The following ABCA3 variants were observed in gnomAD, a reference collection of about 807,000 sequenced individuals.
ABCA3 encodes phospholipid-transporting ATPase ABCA3.
ABCA3 carries 88 observed loss-of-function variants against 172.8 expected under a neutral mutation model. The ratio of observed to expected loss-of-function variants is 0.51; its 90% CI spans 0.43 to 0.61. The LOEUF (loss-of-function observed/expected upper bound fraction) is 0.61. Ranked by LOEUF, ABCA3 falls within the 20% of genes least tolerant of loss-of-function variation. The pLI is 0.00. For synonymous variants in ABCA3, 1,066 were observed against 983.8 expected, an observed-to-expected ratio of 1.08 and a Z score of -1.56; for missense variants, 2,164 against 2,301.0, an observed-to-expected ratio of 0.94 and a Z score of 1.22.
chr16:2,277,571 C>CA lies in ABCA3; in HGVS notation c.4983+25dup. 1 of 1,612,114 alleles carries CA rather than the reference C, an allele frequency of 6.2e-7. No homozygotes were observed. Among genetic ancestry groups the CA allele is most frequent in the Non-Finnish European group, 8.5e-7 (1 of 1,179,554 alleles). On this transcript the variant is annotated intron_variant, in intron 32 of 32. Transcript: ENST00000301732. This position sits in a 1 kb window ranked among gnomAD's most constrained non-coding sequence, Gnocchi z 5.3. ...GACCTCCCCCTGCCCCATGAGTGCC[C>CA]AGTGGGGCCCCAGGGACTGCCTCAC...
At position 2,288,228 on chromosome 16, in the gene ABCA3, C is replaced by A; in HGVS notation, c.2802G>T (p.Leu934=). ...CCAGGAGGGCCAGGGTGACGCAGGTCAGAGGCACCAGGACCTGTGCCGCCA... is the reference window on the plus strand; with the variant it reads ...CCAGGAGGGCCAGGGTGACGCAGGTAAGAGGCACCAGGACCTGTGCCGCCA... ...KMVAAQVLVP[L]TCVTLALLAI... Residue 934 remains leucine (L), a synonymous_variant, in exon 21 of 33, where the codon CTG becomes CTT. Coordinates refer to ENST00000301732, the MANE Select transcript of ABCA3 (RefSeq NM_001089.3). 1 of 1,595,864 alleles carries A rather than the reference C, an allele frequency of 6.3e-7. No homozygotes were observed. Among genetic ancestry groups the A allele is most frequent in the Non-Finnish European group, 8.5e-7 (1 of 1,171,278 alleles).
chr16:2,285,024 T>C lies in ABCA3; in HGVS notation c.3484-26A>G. On this transcript the variant is annotated intron_variant, in intron 23 of 32. Transcript: ENST00000301732. The surrounding 1 kb of genome is among the most constrained non-coding windows in gnomAD (Gnocchi z 4.7). ...CTGCGGCGGCACAGGGAGGCGCTGC[T>C]GTGCATGCCAAGCTGAGAGGAGCTC... 6.2e-7 allele frequency: 1 copy of C among 1,606,842 alleles called. No individual in the cohort carries two copies. Among genetic ancestry groups the C allele is most frequent in the Admixed American group, 1.7e-5 (1 of 59,212 alleles).
chr16:2,284,368 C>A lies in ABCA3; in HGVS notation c.3773G>T (p.Gly1258Val), dbSNP rs1273791706. The A allele has an allele frequency of 6.2e-7, 1 of 1,613,990 alleles. No individual in the cohort carries two copies. The highest frequency in any genetic ancestry group is 1.7e-5 in the Admixed American group (1 of 60,024). ...CTCGTAGAAACTGCTGACTGCCATC[C>A]CCAGACAGTGGTTGGGCAGCACCAG... ...VFLVLPNHCL[G>V]MAVSSFYENY... Residue 1258 changes from glycine to valine, a missense_variant, in exon 25 of 33, where the codon GGG (glycine) becomes GTG (valine). Gly to Val is a moderately radical substitution (Grantham distance 109). This residue lies in a region of ABCA3 where 795 missense variants were observed against 881.9 expected (regional missense o/e 0.90). Coordinates refer to ENST00000301732, the MANE Select transcript of ABCA3 (RefSeq NM_001089.3). This position sits in a 1 kb window ranked among gnomAD's most constrained non-coding sequence, Gnocchi z 5.9.
In ABCA3 at chr16:2,317,632, C is replaced by A. The variant is rs2141730299; in HGVS notation, c.990+16G>T. ...TCTCCCCGTCCTCACCAGAGCCCCA[C>A]CGACGCCATGCTCACCTTGACACAG... On this transcript the variant is annotated intron_variant, in intron 9 of 32. Coordinates refer to ENST00000301732, the MANE Select transcript of ABCA3 (RefSeq NM_001089.3). 1.2e-6 allele frequency: 2 copies of A among 1,613,874 alleles called. No individual in the cohort carries two copies. Among genetic ancestry groups the A allele is most frequent in the South Asian group, 1.1e-5 (1 of 91,060 alleles).
intron 6 of ABCA3, 52 bp downstream of exon 6, chr16:2,324,352 G>A: frequency 6.5e-7 from 1 of 1,545,918 alleles, no homozygotes; most frequent in Middle Eastern, 2.1e-4. Flanking sequence ...GCGGGAGGAA[G>A]CGGAGGCCTT....
chr16:2,287,213 T>G lies in ABCA3; in HGVS notation c.3005-246A>C, dbSNP rs151005014. 2.6e-5 allele frequency among the ~76,000 whole-genome samples: 4 copies of G among 152,194 alleles called. No homozygotes were observed. The East Asian group carries it at 5.8e-4, about 22-fold the overall frequency. ...GCTGCAAAATAAGAAAACCTTCCAG[T>G]AGGTTCCATTAACCAGAGCACGGTC... On this transcript the variant is annotated intron_variant, in intron 21 of 32. Coordinates refer to ENST00000301732, the MANE Select transcript of ABCA3 (RefSeq NM_001089.3). The surrounding 1 kb of genome is among the most constrained non-coding windows in gnomAD (Gnocchi z 4.1).
chr16:2,322,025 C>T (rs538446166), intron 7 of ABCA3, among the ~76,000 whole-genome samples: 20 of 151,906 alleles, frequency 1.3e-4, no homozygotes, highest in Non-Finnish European at 2.6e-4. Context: ...TGGTGAAACC[C>T]CGTCTCTACT....
Position 2,284,304 on chromosome 16 carries a change from G to T in ABCA3, c.3837C>A (p.Val1279=), listed in dbSNP as rs377568144. ...TATATTTCTTGCAGTAGTGGGCGGC[G>T]ACCTCGGAGGAGGTGCAGTACCTCC... ...ETRRYCTSSE[V]AAHYCKKYNI... is the part of the protein sequence containing the mutation. Residue 1279 remains valine, a synonymous_variant, in exon 25 of 33, where the codon GTC becomes GTA. Transcript: ENST00000301732. This position sits in a 1 kb window ranked among gnomAD's most constrained non-coding sequence, Gnocchi z 5.9. The T allele has an allele frequency of 6.2e-7, 1 of 1,613,670 alleles. No individual in the cohort carries two copies. Among genetic ancestry groups the T allele is most frequent in the Non-Finnish European group, 8.5e-7 (1 of 1,179,920 alleles).
intron 10 of ABCA3, among the ~76,000 whole-genome samples, chr16:2,314,045 G>A (rs2093710914): frequency 6.6e-6 from 1 of 152,186 alleles, no homozygotes; most frequent in Admixed American, 6.5e-5. Context: ...TGGTGGGAAT[G>A]CGCACCGGTG....
chr16:2,286,712 G>A lies in ABCA3; in HGVS notation c.3260C>T (p.Ala1087Val). ...FPQPRSALQA[A>V]KDQFNEGRKG... Reference sequence around the variant, plus strand: ...CACATACTCGTTAAACTGGTCCTTGGCAGCCTGCAGGGCGCTCCGGGGCTG... The same window carrying A: ...CACATACTCGTTAAACTGGTCCTTGACAGCCTGCAGGGCGCTCCGGGGCTG... Residue 1087 changes from alanine to valine, a missense_variant, in exon 22 of 33, where the codon GCC becomes GTC. Ala to Val is a moderately conservative substitution (Grantham distance 64, BLOSUM62 0). Transcript: ENST00000301732. The surrounding 1 kb of genome is among the most constrained non-coding windows in gnomAD (Gnocchi z 5.2). 6.2e-7 allele frequency: 1 copy of A among 1,613,568 alleles called. No individual in the cohort carries two copies. Among genetic ancestry groups the A allele is most frequent in the Non-Finnish European group, 8.5e-7 (1 of 1,179,884 alleles).
At chr16:2,301,100 G>C (rs1170463591) in intron 12 of ABCA3, among the ~76,000 whole-genome samples, 1 of 151,276 alleles carries the variant, frequency 6.6e-6, no homozygotes, top group South Asian at 2.1e-4. Context: ...GCGTGGTGGT[G>C]GGCGCCTATA....
chr16:2,279,277 T>C lies in ABCA3; in HGVS notation c.4360-147A>G, dbSNP rs1182848876. ...TGTGTACACGGGGGCGCTGGAGCTA[T>C]GCACAGGCCGTGGTGGCTGCCCACA... On this transcript the variant is annotated intron_variant, in intron 28 of 32. Coordinates refer to ENST00000301732, the MANE Select transcript of ABCA3 (RefSeq NM_001089.3). This position sits in a 1 kb window ranked among gnomAD's most constrained non-coding sequence, Gnocchi z 4.4. 4 of 939,854 alleles carry C rather than the reference T, an allele frequency of 4.3e-6. No individual in the cohort carries two copies. Among genetic ancestry groups the C allele is most frequent in the South Asian group, 3.1e-5 (2 of 64,608 alleles). 58.2% of individuals were successfully genotyped at this position (939,854 alleles called of 1,614,324 possible).
intron 7 of ABCA3, among the ~76,000 whole-genome samples, chr16:2,322,379 CT>C (rs869085861): frequency 5.1e-4 from 74 of 145,730 alleles, no homozygotes; most frequent in African/African-American, 5.3e-4. Flanking sequence ...GTATTTCTTT[CT>C]TTTTTTTTTT....
Position 2,281,340 on chromosome 16 carries a change from T to C in ABCA3, c.4164+41A>G. ...TCGGACCCTGGGGACAGCCAGGTAG[T>C]CAGCTGGCAGGAAGGACTCCACCCC... On this transcript the variant is annotated intron_variant, in intron 27 of 32. Transcript: ENST00000301732. The surrounding 1 kb of genome is among the most constrained non-coding windows in gnomAD (Gnocchi z 4.7). 1 of 1,613,288 alleles carries C rather than the reference T, an allele frequency of 6.2e-7. No individual in the cohort carries two copies. Among genetic ancestry groups the C allele is most frequent in the Non-Finnish European group, 8.5e-7 (1 of 1,179,836 alleles).
Position 2,326,240 on chromosome 16 carries a change from A to T in ABCA3, c.89T>A (p.Phe30Tyr). The T allele has an allele frequency of 6.2e-7, 1 of 1,613,822 alleles. No individual in the cohort carries two copies. The highest frequency in any genetic ancestry group is 8.5e-7 in the Non-Finnish European group (1 of 1,180,034). The change falls in exon 5 of 33, where the codon TTC (phenylalanine) becomes TAC (tyrosine). Residue 30 changes from phenylalanine to tyrosine, a missense_variant. Phe to Tyr is a conservative substitution (Grantham distance 22). Around this residue, in one of 3 missense-constraint regions of ABCA3, gnomAD observed 1,343 missense variants for 1,369.6 expected, o/e 0.98. Coordinates refer to ENST00000301732, the MANE Select transcript of ABCA3 (RefSeq NM_001089.3). Reference protein sequence around the residue: ...RKVLVTVLELFLPLLFSGILI... With the variant: ...RKVLVTVLELYLPLLFSGILI... The stretch of plus-strand genomic sequence containing the variant: ...GATCCCAGAAAACAGCAATGGCAGG[A>T]AGAGTTCCAGGACCGTCACCAGGAC...
chr16:2,311,696 A>AT (rs1380418292), intron 10 of ABCA3, among the ~76,000 whole-genome samples: 2 of 152,010 alleles, frequency 1.3e-5, no homozygotes, highest in Non-Finnish European at 2.9e-5. Flanking sequence ...TAATTTTTGT[A>AT]TTTTTAATAG....
chr16:2,307,292 A>G (rs1250647415), intron 11 of ABCA3, among the ~76,000 whole-genome samples: 1 of 152,002 alleles, frequency 6.6e-6, no homozygotes, highest in Non-Finnish European at 1.5e-5. Flanking sequence ...TCAGTGGCTC[A>G]CTCCTGTAAT....
At chr16:2,304,901 T>G (rs2093695217) in intron 11 of ABCA3, among the ~76,000 whole-genome samples, 1 of 152,008 alleles carries the variant, frequency 6.6e-6, no homozygotes, top group Non-Finnish European at 1.5e-5. Flanking sequence ...GGTCTCGATC[T>G]CCTGACCTTG....
At chr16:2,312,708 T>C (rs2093708491) in intron 10 of ABCA3, among the ~76,000 whole-genome samples, 1 of 152,016 alleles carries the variant, frequency 6.6e-6, no homozygotes, top group Admixed American at 6.6e-5. Flanking sequence ...TTTTTTGTAT[T>C]TTTAGTAGAG....
Sources: allele counts gnomAD v4.1 joint callset (sites outside exome capture counted in the v4.1 genomes callset), GRCh38; gene constraint gnomAD v4.1.1; regional missense constraint gnomAD v4.1.1; non-coding constraint Gnocchi (gnomAD v3.1); transcripts MANE v1.5; gene names NCBI Gene and HGNC (gene_info 2026-07-23, HGNC 2026-07-21).